Variants in TTBK1 observed in about 807,000 individuals in gnomAD.
TTBK1 encodes the protein tau tubulin kinase 1.
In TTBK1, 34 loss-of-function variants were observed where a neutral mutation model predicts 108.5. The ratio of observed to expected loss-of-function variants is 0.31; its 90% CI spans 0.24 to 0.42. The LOEUF (loss-of-function observed/expected upper bound fraction) is 0.42. TTBK1 is among the 10% of genes least tolerant of loss of function. TTBK1 has a pLI of 1.00. For missense variants in TTBK1, 1,539 were observed against 1,826.0 expected (o/e 0.84, Z 2.86); for synonymous variants, 809 against 795.1 (o/e 1.02, Z -0.29).
chr6:43,247,378 G>C (rs1048144810), intron 2 of TTBK1, among the ~76,000 whole-genome samples: 1 of 152,220 alleles, frequency 6.6e-6, no homozygotes, highest in South Asian at 2.1e-4. Context: ...CTCGGGAGCC[G>C]GGCCTGCCTC....
In TTBK1 at chr6:43,285,662, A is replaced by C; in HGVS notation, c.*286A>C. Reference sequence around the variant, plus strand: ...CGCCCGTCAGGCCGGCCAGCCTCACATCAGTCTCTCCGCCCCGGGGAAGGC... The same window carrying C: ...CGCCCGTCAGGCCGGCCAGCCTCACCTCAGTCTCTCCGCCCCGGGGAAGGC... On this transcript the variant is annotated 3_prime_UTR_variant, in exon 15 of 15. Coordinates refer to ENST00000259750, the MANE Select transcript of TTBK1 (RefSeq NM_032538.3). This position sits in a 1 kb window ranked among gnomAD's most constrained non-coding sequence, Gnocchi z 4.7. 7.1e-5 allele frequency: 18 copies of C among 255,282 alleles called. No homozygotes were observed. Among genetic ancestry groups the C allele is most frequent in the East Asian group, 3.5e-4 (5 of 14,108 alleles). 15.8% of individuals were successfully genotyped at this position (255,282 alleles called of 1,614,324 possible).
chr6:43,283,627 G>A lies in TTBK1; in HGVS notation c.2887G>A (p.Glu963Lys). Residue 963 changes from glutamate (E) to lysine (K), a missense_variant, in exon 14 of 15, where the codon GAG (glutamate) becomes AAG (lysine). Around this residue, in one of 5 missense-constraint regions of TTBK1, gnomAD observed 1,055 missense variants for 1,086.5 expected, o/e 0.97. Coordinates refer to ENST00000259750, the MANE Select transcript of TTBK1 (RefSeq NM_032538.3). The surrounding 1 kb of genome is among the most constrained non-coding windows in gnomAD (Gnocchi z 8.1). Reference protein sequence around the residue: ...EFSAGGELGLELASDGGAVEE... With the variant: ...EFSAGGELGLKLASDGGAVEE... ...CAGCGCTGGGGGCGAGCTGGGTCTG[G>A]AGCTGGCCTCTGATGGGGGCGCTGT... The A allele has an allele frequency of 6.2e-7, 1 of 1,614,116 alleles. No homozygotes were observed. The highest frequency in any genetic ancestry group is 8.5e-7 in the Non-Finnish European group (1 of 1,179,996).
intron 13 of TTBK1, chr6:43,271,625 A>G (rs1777837136): frequency 9.1e-6 from 9 of 985,344 alleles, no homozygotes; most frequent in South Asian, 4.7e-5. Context: ...TGGGGGTGCC[A>G]TAAGTGTGGT....
In TTBK1 at chr6:43,283,387, G is replaced by A; in HGVS notation, c.2647G>A (p.Glu883Lys). The change falls in exon 14 of 15, where the codon GAG becomes AAG. Residue 883 changes from glutamate to lysine, a missense_variant. Transcript: ENST00000259750. This position sits in a 1 kb window ranked among gnomAD's most constrained non-coding sequence, Gnocchi z 8.1. ...QPTGSQLDVS[E>K]PGTLSSVLKS... is the part of the protein sequence containing the mutation. ...CACGGGCAGCCAGCTGGACGTATCT[G>A]AGCCAGGCACCCTGTCCTCTGTCCT... The A allele has an allele frequency of 6.2e-7, 1 of 1,609,090 alleles. No individual in the cohort carries two copies. Among genetic ancestry groups the A allele is most frequent in the Non-Finnish European group, 8.5e-7 (1 of 1,177,710 alleles).
At chr6:43,246,217 T>A (rs1777081677) in intron 1 of TTBK1, among the ~76,000 whole-genome samples, 1 of 152,126 alleles carries the variant, frequency 6.6e-6, no homozygotes, top group African/African-American at 2.4e-5. Context: ...TCCATGGACA[T>A]TTTGTGGCAC....
In TTBK1 at chr6:43,282,400, A is replaced by G. The variant is rs1291711795; in HGVS notation, c.1987-327A>G. On this transcript the variant is annotated intron_variant, in intron 13 of 14. Transcript: ENST00000259750. This position sits in a 1 kb window ranked among gnomAD's most constrained non-coding sequence, Gnocchi z 5.4. ...TTGCTGACTCGGGTGCAGGATGCAC[A>G]TGGCGATGAGAGGGGCTGGGGACAT... Among the ~76,000 whole-genome samples the G allele has an allele frequency of 6.6e-6, 1 of 152,228 alleles. No individual in the cohort carries two copies. Among genetic ancestry groups the G allele is most frequent in the East Asian group, 1.9e-4 (1 of 5,196 alleles).
chr6:43,277,728 G>A (rs1163010719), intron 13 of TTBK1, among the ~76,000 whole-genome samples: 1 of 152,214 alleles, frequency 6.6e-6, no homozygotes, highest in Non-Finnish European at 1.5e-5. Flanking sequence ...TGGCAGAGAC[G>A]TTTGGAGAGT....
Position 43,284,074 on chromosome 6 carries a change from TC to T in TTBK1, c.3336del (p.Ser1113ProfsTer270), listed in dbSNP as rs752313060. On this transcript the variant is annotated frameshift_variant, in exon 14 of 15. Transcript: ENST00000259750. LOFTEE classifies it high-confidence loss of function. ...GCGGCTGGCCTCAGGGGCCTCGTCC[TC>T]CTCCAGTGAGGAGCAGCGCCGTGCC... ...LLRLASGASS[S>X]SSEEQRRASE... 1 of 1,538,718 alleles carries T rather than the reference TC, an allele frequency of 6.5e-7. No individual in the cohort carries two copies. Among genetic ancestry groups the T allele is most frequent in the Non-Finnish European group, 8.8e-7 (1 of 1,141,842 alleles).
chr6:43,282,634 C>A lies in TTBK1; in HGVS notation c.1987-93C>A. 9.4e-7 allele frequency: 1 copy of A among 1,069,420 alleles called. No individual in the cohort carries two copies. Among genetic ancestry groups the A allele is most frequent in the Non-Finnish European group, 1.4e-6 (1 of 725,298 alleles). 66.2% of individuals were successfully genotyped at this position (1,069,420 alleles called of 1,614,324 possible). A position where few individuals can be genotyped will look rare whatever the true frequency, so the allele number is the denominator to read the frequency against. ...TCACACTCTGGTAGACGACCTGGGC[C>A]TGTGAGTCTCCTAGGTTGTGGGTGC... On this transcript the variant is annotated intron_variant, in intron 13 of 14. Coordinates refer to ENST00000259750, the MANE Select transcript of TTBK1 (RefSeq NM_032538.3). The surrounding 1 kb of genome is among the most constrained non-coding windows in gnomAD (Gnocchi z 5.4).
Position 43,263,412 on chromosome 6 carries a change from C to A in TTBK1, c.1986+62C>A. 1 of 1,412,664 alleles carries A rather than the reference C, an allele frequency of 7.1e-7. No homozygotes were observed. The highest frequency in any genetic ancestry group is 9.3e-7 in the Non-Finnish European group (1 of 1,071,222). 87.5% of individuals were successfully genotyped at this position (1,412,664 alleles called of 1,614,324 possible). ...ATGCCCAGAGTCCTGGTGTGTAGGC[C>A]TGGGGTGCTCCATGTGTGCTGGCAC... On this transcript the variant is annotated intron_variant, in intron 13 of 14. Coordinates refer to ENST00000259750, the MANE Select transcript of TTBK1 (RefSeq NM_032538.3). This position sits in a 1 kb window ranked among gnomAD's most constrained non-coding sequence, Gnocchi z 4.7.
intron 2 of TTBK1, among the ~76,000 whole-genome samples, chr6:43,250,329 T>G (rs185477944): frequency 2.7e-5 from 4 of 150,348 alleles, no homozygotes; most frequent in Non-Finnish European, 5.9e-5. Flanking sequence ...TGGGTTTAAA[T>G]GAAAACTGCC....
intron 13 of TTBK1, among the ~76,000 whole-genome samples, chr6:43,281,736 C>T (rs1362732260): frequency 2.6e-5 from 4 of 152,132 alleles, no homozygotes; most frequent in African/African-American, 4.8e-5. Flanking sequence ...CCAGCGTGTT[C>T]GAAAATGCTA....
chr6:43,272,585 G>C, intron 13 of TTBK1: 1 of 985,464 alleles, frequency 1.0e-6, no homozygotes, highest in African/African-American at 1.7e-5. Context: ...CTCCATGGTG[G>C]AGGGGAGAGT....
chr6:43,264,518 A>G (rs577813106), intron 13 of TTBK1, among the ~76,000 whole-genome samples: 1 of 152,340 alleles, frequency 6.6e-6, no homozygotes, highest in South Asian at 2.1e-4. Flanking sequence ...AACCATGGGA[A>G]TGGGTGATGT....
chr6:43,259,289 A>G lies in TTBK1; in HGVS notation c.1248+20A>G, dbSNP rs1481955062. The G allele has an allele frequency of 1.3e-6, 2 of 1,533,484 alleles. No homozygotes were observed. The highest frequency in any genetic ancestry group is 1.4e-5 in the African/African-American group (1 of 72,614). The allele number at this position is 1,533,484 out of a possible 1,614,324, so 95.0% of individuals were successfully genotyped here. ...GGCAAAGTAACTGCCGCCAGGGCGA[A>G]GGGCGTGGGTGGCCTTTTCTCTCAC... On this transcript the variant is annotated intron_variant, in intron 11 of 14. Transcript: ENST00000259750. The surrounding 1 kb of genome is among the most constrained non-coding windows in gnomAD (Gnocchi z 6.7).
Position 43,265,089 on chromosome 6 carries a change from A to C in TTBK1, c.1986+1739A>C, listed in dbSNP as rs1253103327. Reference sequence around the variant, plus strand: ...ACTCTGACCTGGGAAATGGAGGAAAACTCCAAATGGGGTCCATGAACCCAC... The same window carrying C: ...ACTCTGACCTGGGAAATGGAGGAAACCTCCAAATGGGGTCCATGAACCCAC... On this transcript the variant is annotated intron_variant, in intron 13 of 14. Transcript: ENST00000259750. The surrounding 1 kb of genome is among the most constrained non-coding windows in gnomAD (Gnocchi z 4.1). Among the ~76,000 whole-genome samples the C allele has an allele frequency of 1.3e-5, 2 of 151,952 alleles. No individual in the cohort carries two copies. Among genetic ancestry groups the C allele is most frequent in the Non-Finnish European group, 2.9e-5 (2 of 68,000 alleles).
chr6:43,259,336 C>T lies in TTBK1; in HGVS notation c.1248+67C>T, dbSNP rs1270139355. The T allele has an allele frequency of 2.8e-6, 4 of 1,406,268 alleles. No homozygotes were observed. Among genetic ancestry groups the T allele is most frequent in the Non-Finnish European group, 3.8e-6 (4 of 1,040,180 alleles). 87.1% of individuals were successfully genotyped at this position (1,406,268 alleles called of 1,614,324 possible). A position where few individuals can be genotyped will look rare whatever the true frequency, so the allele number is the denominator to read the frequency against. On this transcript the variant is annotated intron_variant, in intron 11 of 14. Transcript: ENST00000259750. The surrounding 1 kb of genome is among the most constrained non-coding windows in gnomAD (Gnocchi z 6.7). ...TCACCCCCGATTCCCAGCCTTGTGC[C>T]CCTGCCCTGTTCCTCCTAAGCACCC... is the stretch of plus-strand genomic sequence containing the variant.
chr6:43,253,021 AAGGGGGAGGTGACGGAGCCAG>A lies in TTBK1; in HGVS notation c.256+138_256+158del. 8.6e-7 allele frequency: 1 copy of A among 1,169,418 alleles called. No homozygotes were observed. Among genetic ancestry groups the A allele is most frequent in the East Asian group, 2.4e-5 (1 of 41,022 alleles). 72.4% of individuals were successfully genotyped at this position (1,169,418 alleles called of 1,614,324 possible). A position where few individuals can be genotyped will look rare whatever the true frequency, so the allele number is the denominator to read the frequency against. On this transcript the variant is annotated intron_variant, in intron 3 of 14. Transcript: ENST00000259750. This position sits in a 1 kb window ranked among gnomAD's most constrained non-coding sequence, Gnocchi z 5.8. ...GGAAAAGGGGATGGAGCCAGGAGCTAAGGGGGAGGTGACGGAGCCAGAGTCTAGGAGAGATGGGACCGGGGT... is the reference window on the plus strand; with the variant it reads ...GGAAAAGGGGATGGAGCCAGGAGCTAAGTCTAGGAGAGATGGGACCGGGGT...
chr6:43,266,580 T>C (rs947259354), intron 13 of TTBK1, among the ~76,000 whole-genome samples: 1 of 152,148 alleles, frequency 6.6e-6, no homozygotes, highest in South Asian at 2.1e-4. Context: ...TTCCGAGAGC[T>C]GAGCTCTGAG....
Sources: gnomAD v4.1 joint callset for allele counts (sites outside exome capture counted in the v4.1 genomes callset) on GRCh38, gnomAD v4.1.1 for gene constraint, gnomAD v4.1.1 regional missense constraint, Gnocchi (gnomAD v3.1) non-coding constraint, MANE v1.5 for transcripts, NCBI Gene and HGNC (gene_info 2026-07-23, HGNC 2026-07-21) for gene names.